NECTIN3: variants seen among roughly 807,000 people sequenced by gnomAD.
The protein encoded by NECTIN3 is nectin cell adhesion molecule 3.
In NECTIN3, 8 loss-of-function variants were observed where a neutral mutation model predicts 49.4. The ratio of observed to expected loss-of-function variants is 0.16; its 90% CI spans 0.10 to 0.29. The LOEUF (loss-of-function observed/expected upper bound fraction) is 0.29. Ranked by LOEUF, NECTIN3 falls within the 10% of genes least tolerant of loss-of-function variation. The probability of loss-of-function intolerance (pLI) is 1.00; values close to 1 mark genes in which losing one functional copy is unlikely to be tolerated. For missense variants in NECTIN3, 581 were observed against 654.6 expected (o/e 0.89, Z 1.23); for synonymous variants, 277 against 241.1 (o/e 1.15, Z -1.38).
At chr3:111,080,233 CTCAGCAATTA>C (rs1442918015) in intron 1 of NECTIN3, among the ~76,000 whole-genome samples, 1 of 152,048 alleles carries the variant, frequency 6.6e-6, no homozygotes, top group Non-Finnish European at 1.5e-5. Context: ...TCTTAAAGTA[CTCAGCAATTA>C]TGTTGGCTAT....
chr3:111,157,010 G>A (rs2035111165), intron 7 of NECTIN3, among the ~76,000 whole-genome samples: 1 of 151,940 alleles, frequency 6.6e-6, no homozygotes, highest in Non-Finnish European at 1.5e-5. Context: ...TTGCTACTTG[G>A]GAATCTTATT....
At chr3:111,151,285 A>T (rs1244692229) in intron 7 of NECTIN3, among the ~76,000 whole-genome samples, 1 of 151,934 alleles carries the variant, frequency 6.6e-6, no homozygotes, top group Non-Finnish European at 1.5e-5. Flanking sequence ...AGGTAAAGGA[A>T]TCAAGCCCTT....
chr3:111,148,423 T>C (rs1421841879), intron 7 of NECTIN3, among the ~76,000 whole-genome samples: 2 of 152,352 alleles, frequency 1.3e-5, no homozygotes, highest in East Asian at 3.9e-4. Context: ...GGTGTCCTGA[T>C]GGTGAAGATG....
chr3:111,089,605 T>C (rs891765585), intron 1 of NECTIN3, among the ~76,000 whole-genome samples: 3 of 152,150 alleles, frequency 2.0e-5, no homozygotes, highest in South Asian at 2.1e-4. Context: ...TTTAAAGTTA[T>C]CTTTCTTACT....
chr3:111,142,998 A>G (rs1404387587), intron 5 of NECTIN3, among the ~76,000 whole-genome samples: 1 of 151,868 alleles, frequency 6.6e-6, no homozygotes, highest in South Asian at 2.1e-4. Context: ...CTAGAGATGT[A>G]TGACCTTGGT....
intron 7 of NECTIN3, among the ~76,000 whole-genome samples, chr3:111,174,662 G>T (rs2035492472): frequency 6.8e-6 from 1 of 147,618 alleles, no homozygotes; most frequent in Non-Finnish European, 1.5e-5. Context: ...CCCCTTGCAG[G>T]ACATACAGCA....
At chr3:111,184,569 A>G (rs1045804020) in intron 7 of NECTIN3, among the ~76,000 whole-genome samples, 3 of 152,264 alleles carry the variant, frequency 2.0e-5, no homozygotes, top group South Asian at 4.1e-4. Flanking sequence ...ATAAACTTCT[A>G]TTGTTTACAG....
intron 1 of NECTIN3, among the ~76,000 whole-genome samples, chr3:111,088,573 T>C (rs921559840): frequency 2.0e-5 from 3 of 152,194 alleles, no homozygotes; most frequent in Admixed American, 2.0e-4. Flanking sequence ...TTTTTAATAA[T>C]GTGGTAAATT....
At chr3:111,104,907 A>G (rs996541098) in intron 1 of NECTIN3, among the ~76,000 whole-genome samples, 1 of 152,050 alleles carries the variant, frequency 6.6e-6, no homozygotes, top group Non-Finnish European at 1.5e-5. Flanking sequence ...TCGAATAAAG[A>G]TGGGAATTTG....
intron 5 of NECTIN3, among the ~76,000 whole-genome samples, chr3:111,131,447 C>T (rs759122077): frequency 7.2e-5 from 11 of 152,010 alleles, no homozygotes; most frequent in Middle Eastern, 3.4e-3. Flanking sequence ...ATATTTTGCA[C>T]GCATTGTCAT....
chr3:111,176,294 C>T (rs866873055), intron 7 of NECTIN3, among the ~76,000 whole-genome samples: 5 of 152,202 alleles, frequency 3.3e-5, no homozygotes, highest in Middle Eastern at 3.2e-3. Context: ...CCTACCTTCA[C>T]TGGAAGGATT....
chr3:111,111,056 T>C (rs1243534613), intron 1 of NECTIN3, among the ~76,000 whole-genome samples: 2 of 152,146 alleles, frequency 1.3e-5, no homozygotes. Flanking sequence ...ATTTCCATTT[T>C]TGAGTGCTTA....
intron 1 of NECTIN3, among the ~76,000 whole-genome samples, chr3:111,110,478 T>C (rs767272329): frequency 9.9e-5 from 15 of 152,068 alleles, no homozygotes; most frequent in Non-Finnish European, 1.9e-4. Context: ...CTTAGAATAG[T>C]CCTACTTGGC....
rs1314093396 is a variant in NECTIN3, at chr3:111,117,584, G to A, written c.503-1072G>A. On this transcript the variant is annotated intron_variant, in intron 2 of 5. Transcript: ENST00000485303. The stretch of plus-strand genomic sequence containing the variant: ...ACATAAGGAAAATAATCATATCCAT[G>A]AGAGTAAAATGTGAAATAAAAATAG... Among the ~76,000 whole-genome samples, 3 of 151,994 alleles carry A rather than the reference G, an allele frequency of 2.0e-5. No homozygotes were observed. The East Asian group carries it at 5.8e-4, about 29-fold the overall frequency.
At chr3:111,074,934 G>A (rs2031072921) in intron 1 of NECTIN3, 3 of 151,810 alleles carry the variant, frequency 2.0e-5, no homozygotes, top group Admixed American at 2.0e-4. Context: ...TGAATAACAA[G>A]ATAGACTGAC....
chr3:111,165,430 A>G lies in NECTIN3; in HGVS notation c.1221+17946A>G, dbSNP rs151219220. Among the ~76,000 whole-genome samples, 240 of 152,262 alleles carry G rather than the reference A, an allele frequency of 1.6e-3. 1 individual carries two copies. The highest frequency in any genetic ancestry group is 5.6e-3 in the African/African-American group (234 of 41,542). ...TTCAGCCAAAAGTTGTTCACATGAC[A>G]TGTTAGATCTTTACTACTTAGAGAA... is the stretch of plus-strand genomic sequence containing the variant. On this transcript the variant is annotated intron_variant, in intron 7 of 8. Transcript: ENST00000493615.
chr3:111,118,182 G>A (rs753435430), intron 2 of NECTIN3, among the ~76,000 whole-genome samples: 7 of 137,420 alleles, frequency 5.1e-5, no homozygotes, highest in Non-Finnish European at 7.5e-5. Context: ...CATTTTAACA[G>A]TAAGTCATAA....
chr3:111,169,919 G>A lies in NECTIN3; in HGVS notation c.1222-22432G>A, dbSNP rs1241493808. 1.3e-5 allele frequency among the ~76,000 whole-genome samples: 2 copies of A among 152,162 alleles called. 1 individual carries two copies. The highest frequency in any genetic ancestry group is 4.8e-5 in the African/African-American group (2 of 41,424). ...ACACTGCCACTGATAGCATATGAGA[G>A]GAAAGTATGTTCTTTAGTTATTAGC... On this transcript the variant is annotated intron_variant, in intron 7 of 8. Coordinates refer to the NECTIN3 transcript ENST00000493615.
At position 111,137,073 on chromosome 3, in the gene NECTIN3, A is replaced by G; in HGVS notation, c.*2858A>G. The G allele has an allele frequency of 5.1e-6, 5 of 983,122 alleles. No individual in the cohort carries two copies. The highest frequency in any genetic ancestry group is 4.7e-5 in the South Asian group (1 of 21,256). 60.9% of individuals were successfully genotyped at this position (983,122 alleles called of 1,614,324 possible). A position where few individuals can be genotyped will look rare whatever the true frequency, so the allele number is the denominator to read the frequency against. Reference sequence around the variant, plus strand: ...GATAACCCACGGCTAAATATTTTGCATTAAGGAGCTGTAGGAGTACAGTGT... The same window carrying G: ...GATAACCCACGGCTAAATATTTTGCGTTAAGGAGCTGTAGGAGTACAGTGT... On this transcript the variant is annotated 3_prime_UTR_variant, in exon 6 of 6. Transcript: ENST00000485303.
Sources: gnomAD v4.1 joint callset for allele counts (sites outside exome capture counted in the v4.1 genomes callset) on GRCh38, gnomAD v4.1.1 for gene constraint, MANE v1.5 for transcripts, NCBI Gene and HGNC (gene_info 2026-07-23, HGNC 2026-07-21) for gene names.